The following CLOCK variants were observed in gnomAD, a reference collection of about 807,000 sequenced individuals.
CLOCK encodes the protein circadian locomoter output cycles protein kaput.
A neutral mutation model predicts 118.4 loss-of-function variants in CLOCK; 43 were observed. That is an observed-to-expected ratio of 0.36 (90% CI 0.28 to 0.47). The LOEUF is 0.47. CLOCK is among the 20% of genes least tolerant of loss of function. The probability of loss-of-function intolerance (pLI) is 1.00; values close to 1 mark genes in which losing one functional copy is unlikely to be tolerated. For missense variants in CLOCK, 846 were observed against 999.9 expected (o/e 0.85, Z 2.08); for synonymous variants, 326 against 339.2 (o/e 0.96, Z 0.43).
rs566252489 is a variant in CLOCK, at chr4:55,546,824, C to G, written c.-332G>C. The G allele has an allele frequency of 5.2e-5, 8 of 152,402 alleles. No individual in the cohort carries two copies. The highest frequency in any genetic ancestry group is 1.9e-4 in the African/African-American group (8 of 41,554). 9.4% of individuals were successfully genotyped at this position (152,402 alleles called of 1,614,324 possible). A position where few individuals can be genotyped will look rare whatever the true frequency, so the allele number is the denominator to read the frequency against. On this transcript the variant is annotated 5_prime_UTR_variant, in exon 1 of 23. Transcript: ENST00000513440. The stretch of plus-strand genomic sequence containing the variant: ...GCGGCGGCCAGATTTCCTTCGCGCT[C>G]TCGCTCTCCGGGGTTTCCTTTTTTA...
chr4:55,446,175 C>T (rs886552196), intron 18 of CLOCK, among the ~76,000 whole-genome samples: 2 of 149,500 alleles, frequency 1.3e-5, no homozygotes, highest in Non-Finnish European at 3.0e-5. Flanking sequence ...CTTATTGCAG[C>T]CTCAACCACC....
intron 15 of CLOCK, among the ~76,000 whole-genome samples, chr4:55,450,910 A>AT (rs1724384036): frequency 6.6e-6 from 1 of 152,118 alleles, no homozygotes; most frequent in Middle Eastern, 3.2e-3. Context: ...TGAGAAGAGA[A>AT]TTGCTTAAGC....
intron 19 of CLOCK, among the ~76,000 whole-genome samples, chr4:55,444,219 T>C (rs150240954): frequency 3.2e-4 from 48 of 152,328 alleles, no homozygotes; most frequent in Non-Finnish European, 4.1e-4. Context: ...ACCAAAGTCA[T>C]AGTCTCCTAG....
At chr4:55,481,220 A>AT (rs1339816155) in intron 4 of CLOCK, among the ~76,000 whole-genome samples, 1 of 152,110 alleles carries the variant, frequency 6.6e-6, no homozygotes, top group East Asian at 1.9e-4. Context: ...TGTAACACTC[A>AT]TATCATGGTG....
chr4:55,513,271 T>G (rs1729279353), intron 1 of CLOCK, among the ~76,000 whole-genome samples: 1 of 152,160 alleles, frequency 6.6e-6, no homozygotes, highest in Admixed American at 6.5e-5. Context: ...TAGTATTCAC[T>G]ACAGTTAACA....
chr4:55,459,066 C>G, intron 10 of CLOCK, 56 bp from the exon 11 acceptor site: 1 of 1,494,252 alleles, frequency 6.7e-7, no homozygotes, highest in South Asian at 1.1e-5. Context: ...CTAATTGTCA[C>G]TGATATTCAA....
At chr4:55,444,302 G>T (rs1159611529) in intron 19 of CLOCK, among the ~76,000 whole-genome samples, 1 of 152,090 alleles carries the variant, frequency 6.6e-6, no homozygotes. Context: ...AAATATTACT[G>T]ATGATTGATT....
chr4:55,463,654 T>C (rs992164045), intron 9 of CLOCK, 31 bp downstream of exon 9: 1 of 1,611,364 alleles, frequency 6.2e-7, no homozygotes, highest in Non-Finnish European at 8.5e-7. Context: ...AATACAACAT[T>C]TGACTTTTTT....
At chr4:55,540,074 C>A (rs1397545494) in intron 1 of CLOCK, among the ~76,000 whole-genome samples, 1 of 149,166 alleles carries the variant, frequency 6.7e-6, no homozygotes, top group East Asian at 2.0e-4. Flanking sequence ...ATGGCGTGAT[C>A]TCTGCTCACT....
intron 2 of CLOCK, among the ~76,000 whole-genome samples, chr4:55,494,561 G>T (rs892401148): frequency 6.6e-6 from 1 of 151,992 alleles, no homozygotes; most frequent in African/African-American, 2.4e-5. Context: ...ATGGGGACTC[G>T]GGGAGAAGGG....
intron 17 of CLOCK, 34 bp downstream of exon 17, chr4:55,449,362 C>A (rs764678455): frequency 8.5e-6 from 13 of 1,533,562 alleles, no homozygotes; most frequent in Non-Finnish European, 1.1e-5. Flanking sequence ...CTTAATAAAT[C>A]TTTATTCAGA....
intron 16 of CLOCK, among the ~76,000 whole-genome samples, 156 bp downstream of exon 16, chr4:55,449,935 G>T (rs1431258230): frequency 6.6e-6 from 1 of 152,138 alleles, no homozygotes; most frequent in African/African-American, 2.4e-5. Context: ...CTGAAAGTGG[G>T]CAATGTCCCT....
chr4:55,463,643 G>C (rs780942785), intron 9 of CLOCK, 42 bp downstream of exon 9: 8 of 1,606,382 alleles, frequency 5.0e-6, no homozygotes, highest in African/African-American at 1.3e-5. Context: ...TAGTGCTACT[G>C]AATACAACAT....
At position 55,442,557 on chromosome 4, in the gene CLOCK, T is replaced by C. The variant is rs1242778616; in HGVS notation, c.1980A>G (p.Pro660=). ...GAGAAATCACCATAGTGTTATACAG[T>C]GGGGCTGTAAGAGTGCTCTGTGTCT... The part of the protein sequence containing the change: ...PSQTQSTLTA[P]LYNTMVISQP... The change falls in exon 21 of 23, where the codon CCA becomes CCG. Residue 660 remains proline (P), a synonymous_variant. Coordinates refer to ENST00000513440, the MANE Select transcript of CLOCK (RefSeq NM_004898.4). 6.2e-7 allele frequency: 1 copy of C among 1,611,230 alleles called. No individual in the cohort carries two copies. The highest frequency in any genetic ancestry group is 1.7e-5 in the Admixed American group (1 of 59,608).
chr4:55,428,290 T>C lies in CLOCK; in HGVS notation c.*7125A>G, dbSNP rs908274407. On this transcript the variant is annotated 3_prime_UTR_variant, in exon 23 of 23. Coordinates refer to ENST00000513440, the MANE Select transcript of CLOCK (RefSeq NM_004898.4). ...ACATTTTGACTTTCTCCTCAAAGGA[T>C]AGCTTTGAAAAACAAGTGTAACCAA... 6.6e-6 allele frequency: 1 copy of C among 152,170 alleles called. No homozygotes were observed. 9.4% of individuals were successfully genotyped at this position (152,170 alleles called of 1,614,324 possible).
intron 21 of CLOCK, among the ~76,000 whole-genome samples, chr4:55,442,043 T>G (rs1280526571): frequency 6.6e-6 from 1 of 152,152 alleles, no homozygotes; most frequent in African/African-American, 2.4e-5. Context: ...GATAATATAT[T>G]TTGAGCATTT....
At chr4:55,448,993 G>A in intron 17 of CLOCK, 125 bp from the exon 18 acceptor site, 1 of 774,676 alleles carries the variant, frequency 1.3e-6, no homozygotes, top group Non-Finnish European at 2.2e-6. Context: ...TTTGTTAGCT[G>A]AATACAGCTA....
chr4:55,536,955 G>A (rs1730944541), intron 1 of CLOCK, among the ~76,000 whole-genome samples: 1 of 152,006 alleles, frequency 6.6e-6, no homozygotes, highest in Admixed American at 6.6e-5. Context: ...CTTTTCAACT[G>A]CACATGAAGA....
At chr4:55,531,005 A>G (rs1282534426) in intron 1 of CLOCK, among the ~76,000 whole-genome samples, 5 of 151,958 alleles carry the variant, frequency 3.3e-5, no homozygotes, top group African/African-American at 1.2e-4. Context: ...CAGTTAATAG[A>G]TATTATGATC....
Sources: allele counts gnomAD v4.1 joint callset (sites outside exome capture counted in the v4.1 genomes callset), GRCh38; gene constraint gnomAD v4.1.1; transcripts MANE v1.5; gene names NCBI Gene and HGNC (gene_info 2026-07-23, HGNC 2026-07-21).